The following DLGAP2 variants were observed in gnomAD, a reference collection of about 807,000 sequenced individuals.
The protein encoded by DLGAP2 is disks large-associated protein 2.
A neutral mutation model predicts 100.3 loss-of-function variants in DLGAP2; 26 were observed. The ratio of observed to expected loss-of-function variants is 0.26; its 90% CI spans 0.19 to 0.36. The LOEUF (loss-of-function observed/expected upper bound fraction) is 0.36, where lower values mean the gene tolerates loss of function less well. DLGAP2 is among the 10% of genes least tolerant of loss of function. The pLI is 1.00. For synonymous variants in DLGAP2, 886 were observed against 630.1 expected (o/e 1.41, Z -6.08); for missense variants, 1,858 against 1,453.2 (o/e 1.28, Z -4.53).
chr8:1,554,423 C>T (rs1274061124), intron 5 of DLGAP2, among the ~76,000 whole-genome samples: 1 of 152,174 alleles, frequency 6.6e-6, no homozygotes, highest in African/African-American at 2.4e-5. Flanking sequence ...GTGTGGTGGC[C>T]TGGGACAGCC....
At chr8:928,966 C>T (rs893467173) in intron 2 of DLGAP2, among the ~76,000 whole-genome samples, 2 of 108,426 alleles carry the variant, frequency 1.8e-5, no homozygotes, top group South Asian at 3.3e-4. Flanking sequence ...AAGATGAAGA[C>T]CCCCCCCGCC....
intron 6 of DLGAP2, among the ~76,000 whole-genome samples, chr8:1,580,777 C>G (rs1461372325): frequency 2.7e-5 from 4 of 150,492 alleles, no homozygotes; most frequent in African/African-American, 9.8e-5. Context: ...AGGATACAGA[C>G]AAAACCCCAC....
chr8:1,642,133 T>C (rs866229300), intron 8 of DLGAP2, among the ~76,000 whole-genome samples: 2 of 10,080 alleles, frequency 2.0e-4, no homozygotes, highest in East Asian at 4.4e-3. Flanking sequence ...ACCCTGCCGG[T>C]CCTCACCTGT....
At chr8:1,392,673 C>G (rs1483559193) in intron 3 of DLGAP2, among the ~76,000 whole-genome samples, 1 of 152,214 alleles carries the variant, frequency 6.6e-6, no homozygotes, top group Non-Finnish European at 1.5e-5. Context: ...CCATGCATCT[C>G]TGGGGACTGG....
At chr8:1,148,665 C>A (rs555185528) in intron 2 of DLGAP2, among the ~76,000 whole-genome samples, 1 of 152,158 alleles carries the variant, frequency 6.6e-6, no homozygotes, top group African/African-American at 2.4e-5. Flanking sequence ...TTTTATTTCT[C>A]TTTTGACAAA....
intron 2 of DLGAP2, among the ~76,000 whole-genome samples, chr8:1,093,619 C>T (rs79521201): frequency 1.8e-4 from 27 of 148,276 alleles, no homozygotes; most frequent in East Asian, 4.8e-4. Context: ...ACCTTCACAC[C>T]GACAGCCAGA....
At chr8:1,408,442 C>G (rs969599393) in intron 3 of DLGAP2, among the ~76,000 whole-genome samples, 9 of 151,428 alleles carry the variant, frequency 5.9e-5, no homozygotes, top group African/African-American at 2.2e-4. Flanking sequence ...GTAATCTCCA[C>G]GAGCATCTGG....
chr8:829,251 A>AT (rs1796738455), intron 1 of DLGAP2, among the ~76,000 whole-genome samples: 2 of 152,180 alleles, frequency 1.3e-5, no homozygotes, highest in Admixed American at 1.3e-4. Context: ...AAAATAATCA[A>AT]TATTTGCCTG....
chr8:1,052,190 G>T (rs1306217523), intron 2 of DLGAP2, among the ~76,000 whole-genome samples: 1 of 152,178 alleles, frequency 6.6e-6, no homozygotes, highest in Non-Finnish European at 1.5e-5. Flanking sequence ...TCCTGGGCCT[G>T]CCTCTGACCA....
intron 2 of DLGAP2, among the ~76,000 whole-genome samples, chr8:1,254,024 C>T (rs1234600888): frequency 6.6e-6 from 1 of 152,252 alleles, no homozygotes; most frequent in Admixed American, 6.5e-5. Context: ...ACCACAGTCT[C>T]TGATCCATGT....
At chr8:1,073,696 T>C (rs1328146352) in intron 2 of DLGAP2, among the ~76,000 whole-genome samples, 1 of 152,204 alleles carries the variant, frequency 6.6e-6, no homozygotes, top group Non-Finnish European at 1.5e-5. Flanking sequence ...GCCTGGAACT[T>C]GAATTTGGCC....
intron 1 of DLGAP2, among the ~76,000 whole-genome samples, chr8:838,078 T>C (rs1306526652): frequency 2.0e-5 from 3 of 152,086 alleles, no homozygotes; most frequent in African/African-American, 2.4e-5. Context: ...TTAGCTACTC[T>C]GTGTGGATCC....
chr8:1,484,758 C>A (rs1287813516), intron 3 of DLGAP2, among the ~76,000 whole-genome samples: 2 of 152,222 alleles, frequency 1.3e-5, no homozygotes, highest in Non-Finnish European at 2.9e-5. Flanking sequence ...GGCATCATAT[C>A]TGAGGGACAG....
At chr8:1,183,260 G>A (rs1018120744) in intron 2 of DLGAP2, among the ~76,000 whole-genome samples, 2 of 152,140 alleles carry the variant, frequency 1.3e-5, no homozygotes, top group Non-Finnish European at 2.9e-5. Flanking sequence ...GGAGGTTCAC[G>A]GAAGGGGAGA....
At chr8:1,069,378 C>G (rs922265633) in intron 2 of DLGAP2, among the ~76,000 whole-genome samples, 1 of 152,152 alleles carries the variant, frequency 6.6e-6, no homozygotes, top group Non-Finnish European at 1.5e-5. Flanking sequence ...CACTGGAGGA[C>G]GGGCCGGCTT....
At chr8:1,134,990 A>T (rs1489184855) in intron 2 of DLGAP2, among the ~76,000 whole-genome samples, 1 of 152,190 alleles carries the variant, frequency 6.6e-6, no homozygotes, top group African/African-American at 2.4e-5. Flanking sequence ...TCTATTGATT[A>T]AACTTTGAAT....
At chr8:793,439 G>C (rs1381294585) in intron 1 of DLGAP2, among the ~76,000 whole-genome samples, 1 of 152,178 alleles carries the variant, frequency 6.6e-6, no homozygotes, top group Non-Finnish European at 1.5e-5. Flanking sequence ...TCACAGAGCT[G>C]TGCTCTCCTT....
intron 3 of DLGAP2, among the ~76,000 whole-genome samples, chr8:1,446,453 C>T (rs1480364656): frequency 6.6e-6 from 1 of 152,096 alleles, no homozygotes. Flanking sequence ...TGATCTATAG[C>T]TCTGTTTTGG....
At position 1,549,867 on chromosome 8, in the gene DLGAP2, C is replaced by A. The variant is rs140883464; in HGVS notation, c.1230+184C>A. 6.6e-5 allele frequency among the ~76,000 whole-genome samples: 10 copies of A among 152,320 alleles called. No individual in the cohort carries two copies. The East Asian group carries it at 7.7e-4, about 12-fold the overall frequency. On this transcript the variant is annotated intron_variant, in intron 5 of 14. Coordinates refer to ENST00000637795, the MANE Select transcript of DLGAP2 (RefSeq NM_001346810.2). ...GTTAACACACGCATTACCTTACATA[C>A]GTAATTTTTTTGGTGGGAGCACTTA...
Sources: allele counts gnomAD v4.1 joint callset (sites outside exome capture counted in the v4.1 genomes callset), GRCh38; gene constraint gnomAD v4.1.1; transcripts MANE v1.5; gene names NCBI Gene and HGNC (gene_info 2026-07-23, HGNC 2026-07-21).